The following ABTB3 variants were observed in gnomAD, a reference collection of about 807,000 sequenced individuals.
ABTB3 encodes ankyrin repeat and BTB domain containing 3.
the ABTB3 span, among the ~76,000 whole-genome samples, chr12:107,362,568 G>A: frequency 6.6e-6 from 1 of 152,188 alleles, no homozygotes; most frequent in African/African-American, 2.4e-5. Context: ...CAAGGTGCGG[G>A]GGTTGCTTGA....
the ABTB3 span, among the ~76,000 whole-genome samples, chr12:107,405,099 A>G: frequency 6.6e-6 from 1 of 152,162 alleles, no homozygotes; most frequent in Non-Finnish European, 1.5e-5. Flanking sequence ...GGTGAAGTAG[A>G]CAAGGCACTG....
At chr12:107,393,538 G>T in the ABTB3 span, among the ~76,000 whole-genome samples, 5 of 152,286 alleles carry the variant, frequency 3.3e-5, no homozygotes, top group Admixed American at 2.6e-4. Context: ...CTCCATGGGG[G>T]TGATGTCACT....
the ABTB3 span, chr12:107,620,098 G>A: frequency 1.2e-6 from 2 of 1,614,226 alleles, no homozygotes; most frequent in Non-Finnish European, 8.5e-7. Flanking sequence ...TTCAGGAGGA[G>A]GAATACACGG....
the ABTB3 span, among the ~76,000 whole-genome samples, chr12:107,467,896 T>G: frequency 6.6e-6 from 1 of 152,166 alleles, no homozygotes; most frequent in Non-Finnish European, 1.5e-5. Flanking sequence ...TTCAGAGGGC[T>G]CAAGATGTGG....
the ABTB3 span, among the ~76,000 whole-genome samples, chr12:107,388,805 C>T: frequency 3.9e-5 from 6 of 152,288 alleles, no homozygotes; most frequent in East Asian, 5.8e-4. Flanking sequence ...GTGTCTTACA[C>T]GTAGGAAATG....
At chr12:107,398,680 G>A in the ABTB3 span, among the ~76,000 whole-genome samples, 1 of 152,200 alleles carries the variant, frequency 6.6e-6, no homozygotes, top group South Asian at 2.1e-4. Context: ...CAGCAATTTA[G>A]GAGCCTGCTA....
chr12:107,601,225 C>A, the ABTB3 span, among the ~76,000 whole-genome samples: 6 of 144,552 alleles, frequency 4.2e-5, no homozygotes, highest in African/African-American at 1.6e-4. Context: ...GATCCCTTAG[C>A]AAGTAAGTAC....
chr12:107,608,968 T>TA, the ABTB3 span, among the ~76,000 whole-genome samples: 157 of 101,794 alleles, frequency 1.5e-3, 2 homozygotes, highest in African/African-American at 5.2e-3. Flanking sequence ...TAAAATAAAA[T>TA]ATAAAATAAA....
the ABTB3 span, among the ~76,000 whole-genome samples, chr12:107,346,715 T>C: frequency 6.6e-6 from 1 of 152,196 alleles, no homozygotes; most frequent in Admixed American, 6.5e-5. Flanking sequence ...CGCCTCAGCC[T>C]CCCAAAGTGC....
the ABTB3 span, among the ~76,000 whole-genome samples, chr12:107,504,646 T>C: frequency 6.6e-6 from 1 of 152,206 alleles, no homozygotes; most frequent in African/African-American, 2.4e-5. Context: ...CTAGGGACTT[T>C]CATTATGAAT....
chr12:107,383,702 T>G, the ABTB3 span, among the ~76,000 whole-genome samples: 2 of 152,212 alleles, frequency 1.3e-5, no homozygotes, highest in Admixed American at 6.5e-5. Flanking sequence ...GTCGACTGTT[T>G]GGAGCTTTGC....
the ABTB3 span, among the ~76,000 whole-genome samples, chr12:107,630,472 A>G: frequency 2.6e-5 from 4 of 152,046 alleles, no homozygotes; most frequent in African/African-American, 7.2e-5. Flanking sequence ...CATGGTAGGA[A>G]GTTTTTAAAA....
At chr12:107,580,749 A>G in the ABTB3 span, 1 of 1,385,698 alleles carries the variant, frequency 7.2e-7, no homozygotes, top group Non-Finnish European at 9.6e-7. Flanking sequence ...CCCCAAATAG[A>G]AATAACACGG....
At chr12:107,645,298 G>A in the ABTB3 span, among the ~76,000 whole-genome samples, 1 of 152,266 alleles carries the variant, frequency 6.6e-6, no homozygotes, top group South Asian at 2.1e-4. Flanking sequence ...GAACCCAGGT[G>A]CTTCTGCTGC....
the ABTB3 span, among the ~76,000 whole-genome samples, chr12:107,431,406 C>T: frequency 2.6e-5 from 4 of 152,230 alleles, no homozygotes; most frequent in Non-Finnish European, 4.4e-5. Flanking sequence ...GTCAGGAGTT[C>T]GAGACCAGCC....
the ABTB3 span, among the ~76,000 whole-genome samples, chr12:107,496,915 C>A: frequency 6.6e-6 from 1 of 152,126 alleles, no homozygotes; most frequent in African/African-American, 2.4e-5. Flanking sequence ...GTTTCTATTT[C>A]AATTTCCCCT....
chr12:107,579,922 G>A, the ABTB3 span, among the ~76,000 whole-genome samples: 1 of 152,254 alleles, frequency 6.6e-6, no homozygotes, highest in Non-Finnish European at 1.5e-5. Flanking sequence ...CCCAGGGGCT[G>A]CCTATCAGAA....
the ABTB3 span, among the ~76,000 whole-genome samples, chr12:107,517,394 A>G: frequency 6.6e-6 from 1 of 152,166 alleles, no homozygotes; most frequent in South Asian, 2.1e-4. Flanking sequence ...GTGTTTTCCA[A>G]TTCTGTGAAG....
the ABTB3 span, among the ~76,000 whole-genome samples, chr12:107,622,414 G>A: frequency 6.6e-6 from 1 of 152,178 alleles, no homozygotes; most frequent in Non-Finnish European, 1.5e-5. Context: ...TCATCACAGA[G>A]CTGGCCAGCA....
Sources: gnomAD v4.1 joint callset for allele counts (sites outside exome capture counted in the v4.1 genomes callset) on GRCh38, gnomAD v4.1.1 for gene constraint, MANE v1.5 for transcripts, NCBI Gene and HGNC (gene_info 2026-07-23, HGNC 2026-07-21) for gene names.